The following CIP2A variants were observed in gnomAD, a reference collection of about 807,000 sequenced individuals.
CIP2A encodes cellular inhibitor of PP2A, also known as protein CIP2A.
CIP2A carries 103 observed loss-of-function variants against 110.9 expected under a neutral mutation model. That is an observed-to-expected ratio of 0.93 (90% CI 0.79 to 1.09). The LOEUF (loss-of-function observed/expected upper bound fraction) is 1.09, where lower values mean the gene tolerates loss of function less well. CIP2A is among the 50% of genes least tolerant of loss of function. CIP2A has a pLI of 0.00. For synonymous variants in CIP2A, 381 were observed against 361.6 expected (o/e 1.05, Z -0.61); for missense variants, 1,088 against 1,038.4 (o/e 1.05, Z -0.66).
rs989244277 is a variant in CIP2A, at chr3:108,576,217, T to G, written c.894+54A>C. 7.0e-6 allele frequency: 8 copies of G among 1,136,740 alleles called. No homozygotes were observed. In the Admixed American group the frequency reaches 2.0e-4, roughly 28 times the overall value. 70.4% of individuals were successfully genotyped at this position (1,136,740 alleles called of 1,614,324 possible). ...CTGTATTTTGCAGTTTTTTAAAAGT[T>G]TCGGCATTTTGCAGTTTTTAAAAGT... On this transcript the variant is annotated intron_variant, in intron 8 of 20. Coordinates refer to ENST00000295746, the MANE Select transcript of CIP2A (RefSeq NM_020890.3).
At chr3:108,551,946 T>G (rs1330014943) in intron 20 of CIP2A, among the ~76,000 whole-genome samples, 1 of 152,164 alleles carries the variant, frequency 6.6e-6, no homozygotes, top group Non-Finnish European at 1.5e-5. Context: ...AAAGTGAAAA[T>G]TATACAGCTA....
chr3:108,563,033 C>T (rs1272883299), intron 13 of CIP2A, 93 bp downstream of exon 13: 2 of 716,438 alleles, frequency 2.8e-6, no homozygotes, highest in Non-Finnish European at 4.9e-6. Flanking sequence ...CTTCAATTCA[C>T]TAATTTGCTT....
chr3:108,579,077 A>T (rs565566739), intron 7 of CIP2A, among the ~76,000 whole-genome samples: 1 of 152,164 alleles, frequency 6.6e-6, no homozygotes, highest in Non-Finnish European at 1.5e-5. Flanking sequence ...ACTGAAATAC[A>T]CACATAGACA....
chr3:108,569,473 A>AGCC lies in CIP2A; in HGVS notation c.1026_1028dup (p.Ala343dup). 1 of 1,612,882 alleles carries AGCC rather than the reference A, an allele frequency of 6.2e-7. No homozygotes were observed. The highest frequency in any genetic ancestry group is 1.1e-5 in the South Asian group (1 of 91,056). On this transcript the variant is annotated inframe_insertion, in exon 9 of 21. Coordinates refer to ENST00000295746, the MANE Select transcript of CIP2A (RefSeq NM_020890.3). ...AAGGTTGGCTTAACCAGCGCAGTAG[A>AGCC]GCCACAGTAGGTTCTAAACATTTAG...
At chr3:108,577,571 C>A (rs1559700725) in intron 7 of CIP2A, among the ~76,000 whole-genome samples, 1 of 152,134 alleles carries the variant, frequency 6.6e-6, no homozygotes, top group African/African-American at 2.4e-5. Context: ...ATAAGGTCAT[C>A]TTCTGCATAA....
rs1938306900 is a variant in CIP2A at position 108,569,386 on chromosome 3, T to C, written c.1113+3A>G. 6.2e-7 allele frequency: 1 copy of C among 1,602,160 alleles called. No homozygotes were observed. The highest frequency in any genetic ancestry group is 1.7e-5 in the Admixed American group (1 of 59,716). ...AAAGTCAATCTGTCAGTCATCCTAT[T>C]ACCTCAAATATTTCCTTGAACAACT... On this transcript the variant is annotated splice_donor_region_variant and intron_variant, in intron 9 of 20. Transcript: ENST00000295746.
At position 108,581,336 on chromosome 3, in the gene CIP2A, G is replaced by A. The variant is rs1342324989; in HGVS notation, c.549+79C>T. On this transcript the variant is annotated intron_variant, in intron 5 of 20. Coordinates refer to ENST00000295746, the MANE Select transcript of CIP2A (RefSeq NM_020890.3). Reference sequence around the variant, plus strand: ...AATCCTTGTTCAAATTTGTTTTAAAGAAAAAGATAAATACAATTTTCTTTA... The same window carrying A: ...AATCCTTGTTCAAATTTGTTTTAAAAAAAAAGATAAATACAATTTTCTTTA... 6 of 1,032,712 alleles carry A rather than the reference G, an allele frequency of 5.8e-6. No individual in the cohort carries two copies. In the African/African-American group the frequency reaches 8.1e-5, roughly 14 times the overall value. 64.0% of individuals were successfully genotyped at this position (1,032,712 alleles called of 1,614,324 possible). A position where few individuals can be genotyped will look rare whatever the true frequency, so the allele number is the denominator to read the frequency against.
At chr3:108,558,149 G>A (rs1237287660) in intron 16 of CIP2A, among the ~76,000 whole-genome samples, 1 of 152,032 alleles carries the variant, frequency 6.6e-6, no homozygotes, top group Non-Finnish European at 1.5e-5. Context: ...ATGTGCTATG[G>A]GGAGAGGGAA....
At position 108,553,904 on chromosome 3, in the gene CIP2A, A is replaced by C. The variant is rs1441009318; in HGVS notation, c.2325-174T>G. ...CGTCTCTACTAAAAATATAAAAAAA[A>C]AAAAAAAAAAAAAAAGGTCTCGTTC... On this transcript the variant is annotated intron_variant, in intron 18 of 20. Coordinates refer to ENST00000295746, the MANE Select transcript of CIP2A (RefSeq NM_020890.3). 1.3e-4 allele frequency among the ~76,000 whole-genome samples: 16 copies of C among 126,780 alleles called. 1 individual carries two copies. The highest frequency in any genetic ancestry group is 2.5e-4 in the South Asian group (1 of 3,954). 83.2% of individuals were successfully genotyped at this position (126,780 alleles called of 152,430 possible). A position where few individuals can be genotyped will look rare whatever the true frequency, so the allele number is the denominator to read the frequency against.
chr3:108,579,167 T>C, intron 7 of CIP2A, 114 bp downstream of exon 7: 2 of 808,526 alleles, frequency 2.5e-6, no homozygotes, highest in East Asian at 2.6e-5. Flanking sequence ...TTTAGTCTAC[T>C]GTGAATCAGT....
At chr3:108,580,708 A>C (rs1938842117) in intron 5 of CIP2A, among the ~76,000 whole-genome samples, 3 of 151,806 alleles carry the variant, frequency 2.0e-5, no homozygotes, top group Non-Finnish European at 4.4e-5. Context: ...AGCTCACTCC[A>C]ACCTCCACCT....
intron 8 of CIP2A, among the ~76,000 whole-genome samples, chr3:108,572,593 T>TA (rs144322184): frequency 0.33 from 50,181 of 151,722 alleles, 8,641 homozygotes; most frequent in Middle Eastern, 0.39. Context: ...ACCTGACATT[T>TA]AAAAAAATCA....
chr3:108,561,676 A>G (rs983371916), intron 13 of CIP2A, among the ~76,000 whole-genome samples: 3 of 152,162 alleles, frequency 2.0e-5, no homozygotes, highest in Non-Finnish European at 2.9e-5. Flanking sequence ...CTCGAAAACA[A>G]ACAAGTAAAT....
intron 9 of CIP2A, among the ~76,000 whole-genome samples, chr3:108,569,168 C>CTATATATATATATATATATATATATATA (rs1163991017): frequency 0.07 from 763 of 10,904 alleles, 221 homozygotes; most frequent in South Asian, 0.15. Flanking sequence ...GAAATGAGCA[C>CTATATATATATATATATATATATATATA]TATATATATA....
chr3:108,568,101 A>G (rs1938245749), intron 10 of CIP2A, 54 bp downstream of exon 10: 2 of 1,315,294 alleles, frequency 1.5e-6, no homozygotes, highest in Admixed American at 2.5e-5. Context: ...GCAATACTAG[A>G]AAAAAAAGAA....
At position 108,560,788 on chromosome 3, in the gene CIP2A, T is replaced by C. The variant is rs201370420; in HGVS notation, c.1688A>G (p.His563Arg). ...TTGCCAGGGCATTTTTCTGGGTATA[T>C]GTTCTGTTTCCTGTTGTCTATAGGC... ...NNAYRQQETE[H>R]IPRKMPWQSS... Residue 563 changes from histidine to arginine, a missense_variant, in exon 14 of 21, where the codon CAT becomes CGT. Coordinates refer to ENST00000295746, the MANE Select transcript of CIP2A (RefSeq NM_020890.3). 6.2e-7 allele frequency: 1 copy of C among 1,613,064 alleles called. No individual in the cohort carries two copies. Among genetic ancestry groups the C allele is most frequent in the South Asian group, 1.1e-5 (1 of 90,950 alleles).
intron 12 of CIP2A, among the ~76,000 whole-genome samples, chr3:108,564,115 T>C (rs1342458729): frequency 1.3e-5 from 2 of 152,058 alleles, no homozygotes; most frequent in Non-Finnish European, 2.9e-5. Context: ...TTGTAGGTAC[T>C]TGAGTATAAT....
intron 16 of CIP2A, among the ~76,000 whole-genome samples, chr3:108,559,132 A>G (rs999553095): frequency 4.6e-5 from 7 of 152,098 alleles, no homozygotes; most frequent in Non-Finnish European, 8.8e-5. Flanking sequence ...CAAAAAATGA[A>G]AAGGATCCAG....
intron 2 of CIP2A, chr3:108,584,803 T>G (rs535705315): frequency 3.3e-6 from 1 of 304,428 alleles, no homozygotes; most frequent in African/African-American, 2.2e-5. Flanking sequence ...ATTTAAGAAC[T>G]AAAGAAATGG....
Sources: gnomAD v4.1 joint callset for allele counts (sites outside exome capture counted in the v4.1 genomes callset) on GRCh38, gnomAD v4.1.1 for gene constraint, MANE v1.5 for transcripts, NCBI Gene and HGNC (gene_info 2026-07-23, HGNC 2026-07-21) for gene names.